GSK3B: variants seen among roughly 807,000 people sequenced by gnomAD.
GSK3B encodes the protein glycogen synthase kinase-3 beta.
Under a neutral mutation model 56.4 loss-of-function variants are expected in GSK3B, and 15 were observed. The ratio of observed to expected loss-of-function variants is 0.27; its 90% CI spans 0.18 to 0.41. The LOEUF (loss-of-function observed/expected upper bound fraction) is 0.41. Among genes scored for constraint, GSK3B ranks in the 10% least tolerant of loss-of-function variants. The pLI is 1.00. For missense variants in GSK3B, 300 were observed against 513.4 expected, an observed-to-expected ratio of 0.58 and a Z score of 4.02; for synonymous variants, 181 against 188.9, an observed-to-expected ratio of 0.96 and a Z score of 0.34.
intron 9 of GSK3B, among the ~76,000 whole-genome samples, chr3:119,862,790 A>C (rs1211421624): frequency 6.6e-6 from 1 of 151,876 alleles, no homozygotes; most frequent in East Asian, 1.9e-4. Flanking sequence ...TCAAGGAGAA[A>C]AGAAAACTGA....
chr3:119,981,624 C>T (rs115132528), intron 2 of GSK3B, among the ~76,000 whole-genome samples: 1,670 of 152,350 alleles, frequency 0.011, 24 homozygotes, highest in African/African-American at 0.038. Context: ...ATCTGTCAGG[C>T]GGCAGCCTGG....
chr3:119,870,605 A>G (rs1221863014), intron 8 of GSK3B, among the ~76,000 whole-genome samples: 1 of 152,184 alleles, frequency 6.6e-6, no homozygotes, highest in African/African-American at 2.4e-5. Flanking sequence ...AAATAAAAAT[A>G]TATAGCCAGT....
At chr3:119,980,659 T>TGAG (rs2057451727) in intron 2 of GSK3B, among the ~76,000 whole-genome samples, 1 of 152,208 alleles carries the variant, frequency 6.6e-6, no homozygotes, top group Non-Finnish European at 1.5e-5. Context: ...CAGCCTTGTG[T>TGAG]AATTTTTTAA....
At chr3:120,076,252 T>C (rs1185601479) in intron 1 of GSK3B, among the ~76,000 whole-genome samples, 1 of 152,126 alleles carries the variant, frequency 6.6e-6, no homozygotes, top group East Asian at 1.9e-4. Context: ...AGCCACAAAA[T>C]TCCTAGAAGA....
chr3:120,002,747 A>G (rs2057691424), intron 1 of GSK3B, among the ~76,000 whole-genome samples: 1 of 152,194 alleles, frequency 6.6e-6, no homozygotes, highest in Non-Finnish European at 1.5e-5. Context: ...GTATTCAGTC[A>G]TTCTATAGAC....
At chr3:119,987,637 T>TAAAGCAC (rs2057528675) in intron 2 of GSK3B, among the ~76,000 whole-genome samples, 2 of 151,956 alleles carry the variant, frequency 1.3e-5, no homozygotes, top group African/African-American at 4.9e-5. Context: ...AACCTGTTCT[T>TAAAGCAC]TAACAAAACT....
intron 6 of GSK3B, among the ~76,000 whole-genome samples, chr3:119,909,007 CTATTT>C (rs2056710289): frequency 6.6e-6 from 1 of 152,134 alleles, no homozygotes; most frequent in Admixed American, 6.5e-5. Flanking sequence ...AAGGTCTGTT[CTATTT>C]TTTGTTGTTG....
Position 119,882,084 on chromosome 3 carries a change from C to T in GSK3B, c.814-5576G>A, listed in dbSNP as rs1374430503. Among the ~76,000 whole-genome samples, 3 of 151,936 alleles carry T rather than the reference C, an allele frequency of 2.0e-5. No individual in the cohort carries two copies. In the East Asian group the frequency reaches 5.8e-4, roughly 29 times the overall value. On this transcript the variant is annotated intron_variant, in intron 7 of 10. Coordinates refer to ENST00000264235, the MANE Select transcript of GSK3B (RefSeq NM_001146156.2). ...TATATCTTTATCAGCAGTGTGAAAA[C>T]GGACTAATACAGTTACAATGTATAA...
intron 8 of GSK3B, among the ~76,000 whole-genome samples, chr3:119,873,182 T>C (rs573061707): frequency 1.5e-4 from 23 of 152,248 alleles, no homozygotes; most frequent in African/African-American, 3.1e-4. Flanking sequence ...GGGCAACTTA[T>C]TGGAGTTTTT....
intron 3 of GSK3B, among the ~76,000 whole-genome samples, chr3:119,930,686 A>C (rs751511747): frequency 2.0e-5 from 3 of 152,268 alleles, no homozygotes; most frequent in Admixed American, 6.5e-5. Flanking sequence ...CTTGACAGTA[A>C]TACATCTGGA....
At chr3:119,885,864 G>T (rs112775702) in intron 7 of GSK3B, among the ~76,000 whole-genome samples, 3,925 of 152,088 alleles carry the variant, frequency 0.026, 170 homozygotes, top group African/African-American at 0.089. Context: ...GAATGAAACT[G>T]GACCCCTATC....
intron 4 of GSK3B, among the ~76,000 whole-genome samples, chr3:119,919,847 GACACACAC>G (rs150749634): frequency 2.0e-5 from 3 of 148,480 alleles, no homozygotes; most frequent in Admixed American, 6.7e-5. Context: ...TAAAGAAGGT[GACACACAC>G]ACACACACAC....
intron 1 of GSK3B, among the ~76,000 whole-genome samples, chr3:120,019,459 A>G (rs1256418481): frequency 6.6e-6 from 1 of 152,036 alleles, no homozygotes; most frequent in Non-Finnish European, 1.5e-5. Context: ...ATTCCCTTAA[A>G]CCTGCATTAT....
intron 4 of GSK3B, among the ~76,000 whole-genome samples, chr3:119,920,522 C>T (rs2056829415): frequency 6.6e-6 from 1 of 152,158 alleles, no homozygotes; most frequent in South Asian, 2.1e-4. Flanking sequence ...GGATTACAGG[C>T]ATGAGCCAAT....
chr3:119,847,549 T>A (rs907465836), intron 9 of GSK3B, among the ~76,000 whole-genome samples: 5 of 152,024 alleles, frequency 3.3e-5, no homozygotes, highest in African/African-American at 4.8e-5. Context: ...ATGACAAACC[T>A]ATATCTCAAA....
At chr3:119,841,690 G>GT (rs1359171308) in intron 10 of GSK3B, among the ~76,000 whole-genome samples, 43 of 152,098 alleles carry the variant, frequency 2.8e-4, no homozygotes, top group African/African-American at 9.9e-4. Context: ...TTGTCCTAAA[G>GT]TAATTGCCAC....
At chr3:119,998,110 T>A (rs189753347) in intron 2 of GSK3B, among the ~76,000 whole-genome samples, 10 of 152,340 alleles carry the variant, frequency 6.6e-5, no homozygotes, top group Non-Finnish European at 1.2e-4. Flanking sequence ...ACTGAAATTA[T>A]TTTTTCTCAC....
chr3:119,960,513 TATCCTAATTGTG>T (rs1164606228), intron 2 of GSK3B, among the ~76,000 whole-genome samples: 1 of 152,200 alleles, frequency 6.6e-6, no homozygotes, highest in African/African-American at 2.4e-5. Context: ...TCAATGCCAA[TATCCTAATTGTG>T]ATAATGTACT....
rs1029577537 is a variant in GSK3B at position 119,823,756 on chromosome 3, C to A, written c.*3032G>T. 2.1e-5 allele frequency: 4 copies of A among 192,990 alleles called. No individual in the cohort carries two copies. Among genetic ancestry groups the A allele is most frequent in the Non-Finnish European group, 4.3e-5 (4 of 92,604 alleles). 12.0% of individuals were successfully genotyped at this position (192,990 alleles called of 1,614,324 possible). On this transcript the variant is annotated 3_prime_UTR_variant, in exon 11 of 11. Transcript: ENST00000264235. ...GCAGGGCTTCAACGAAATGAAATTA[C>A]GAATATGATTTCCTCTTCCCACTCC...
Sources: allele counts gnomAD v4.1 joint callset (sites outside exome capture counted in the v4.1 genomes callset), GRCh38; gene constraint gnomAD v4.1.1; transcripts MANE v1.5; gene names NCBI Gene and HGNC (gene_info 2026-07-23, HGNC 2026-07-21).